RCC1L: variants seen among roughly 807,000 people sequenced by gnomAD.
RCC1L encodes the protein RCC1 like, also known as RCC1-like G exchanging factor-like protein.
Under a neutral mutation model 58.6 loss-of-function variants are expected in RCC1L, and 46 were observed. The ratio of observed to expected loss-of-function variants is 0.79; its 90% CI spans 0.62 to 1.00. The LOEUF (loss-of-function observed/expected upper bound fraction) is 1.00. Ranked by LOEUF, RCC1L falls within the 50% of genes least tolerant of loss-of-function variation. The pLI, the probability that RCC1L is intolerant of heterozygous loss-of-function variation, is 0.00. For missense variants in RCC1L, 636 were observed against 623.6 expected (o/e 1.02, Z -0.21); for synonymous variants, 281 against 262.9 (o/e 1.07, Z -0.67).
chr7:75,041,878 A>G (rs964957376), downstream of RCC1L, among the ~76,000 whole-genome samples: 443 of 151,750 alleles, frequency 2.9e-3, no homozygotes, highest in African/African-American at 9.5e-3. Context: ...AAAAAAAAAA[A>G]AAAAGAAAAG....
At chr7:75,039,886 T>C (rs1214374778), downstream of RCC1L, among the ~76,000 whole-genome samples, 3 of 152,112 alleles carry the variant, frequency 2.0e-5, no homozygotes, top group Non-Finnish European at 4.4e-5. Context: ...GCAACCGAGC[T>C]AATGGCATAG....
At chr7:75,051,967 ATGAACATATGTTTCATGT>A (rs1805927619) in intron 10 of RCC1L, among the ~76,000 whole-genome samples, 2 of 152,126 alleles carry the variant, frequency 1.3e-5, no homozygotes, top group African/African-American at 2.4e-5. Flanking sequence ...TTTTTGTACC[ATGAACATATGTTTCATGT>A]TCAAAAAACC....
At chr7:75,032,063 C>T (rs1805319627) in intron 10 of RCC1L, among the ~76,000 whole-genome samples, 1 of 152,202 alleles carries the variant, frequency 6.6e-6, no homozygotes, top group South Asian at 2.1e-4. Context: ...TTGCCTCTAC[C>T]ATGCTCTGGT....
intron 7 of RCC1L, 193 bp from the exon 8 acceptor site, chr7:75,057,809 C>A: frequency 1.5e-6 from 1 of 664,944 alleles, no homozygotes. Context: ...CAGTTTCCAC[C>A]CTCAGAGAGT....
intron 9 of RCC1L, 94 bp downstream of exon 9, chr7:75,055,807 G>C (rs956648221): frequency 6.8e-7 from 1 of 1,472,592 alleles, no homozygotes; most frequent in Non-Finnish European, 9.5e-7. Flanking sequence ...TGTTGGATGG[G>C]TGGAACCTGA....
intron 10 of RCC1L, among the ~76,000 whole-genome samples, chr7:75,051,353 CACATATATATACACACAT>C (rs1186374392): frequency 7.5e-4 from 110 of 146,976 alleles, no homozygotes; most frequent in African/African-American, 2.7e-3. Context: ...TATACACACA[CACATATATATACACACAT>C]ATATATATAC....
intron 10 of RCC1L, among the ~76,000 whole-genome samples, chr7:75,045,925 C>T (rs1805706478): frequency 6.6e-6 from 1 of 152,238 alleles, no homozygotes; most frequent in Non-Finnish European, 1.5e-5. Flanking sequence ...CCGAATTCGA[C>T]CACCCTCCCC....
chr7:75,032,324 C>T, intron 10 of RCC1L, among the ~76,000 whole-genome samples: 1 of 152,150 alleles, frequency 6.6e-6, no homozygotes, highest in Non-Finnish European at 1.5e-5. Context: ...AAACCTAGAG[C>T]CTTGCCATGG....
intron 10 of RCC1L, among the ~76,000 whole-genome samples, chr7:75,035,520 A>G (rs1805415718): frequency 6.6e-6 from 1 of 152,080 alleles, no homozygotes; most frequent in Non-Finnish European, 1.5e-5. Flanking sequence ...CAGCAACTCC[A>G]CTCCTAGGTA....
intron 10 of RCC1L, among the ~76,000 whole-genome samples, chr7:75,046,573 C>A (rs988234147): frequency 2.4e-4 from 37 of 152,336 alleles, no homozygotes; most frequent in Admixed American, 1.6e-3. Context: ...GTTCCAGCTC[C>A]CCCTGGCGGA....
Position 75,030,443 on chromosome 7 carries a change from C to T in RCC1L, c.1318-2364G>A, listed in dbSNP as rs963580748. ...AGAGGGTGGGGCGTCTCTGGTAGGA[C>T]GGCCTCACCCCACTTGTCAGAACTA... On this transcript the variant is annotated intron_variant, in intron 10 of 10. Coordinates refer to the RCC1L transcript ENST00000614461. Among the ~76,000 whole-genome samples, 79 of 152,238 alleles carry T rather than the reference C, an allele frequency of 5.2e-4. 1 individual carries two copies. The highest frequency in any genetic ancestry group is 2.2e-3 in the Admixed American group (34 of 15,298).
intron 9 of RCC1L, among the ~76,000 whole-genome samples, chr7:75,055,059 G>A (rs1419052201): frequency 6.6e-6 from 1 of 152,248 alleles, no homozygotes; most frequent in Non-Finnish European, 1.5e-5. Flanking sequence ...AATGAGGCCA[G>A]AGAACTCAAC....
intron 6 of RCC1L, among the ~76,000 whole-genome samples, chr7:75,060,314 C>CA (rs1260901763): frequency 6.6e-6 from 1 of 152,250 alleles, no homozygotes; most frequent in Non-Finnish European, 1.5e-5. Context: ...TGGATGAAGG[C>CA]AAGAGTCTAC....
chr7:75,063,266 A>G (rs1806334804), intron 5 of RCC1L, 26 bp downstream of exon 5: 1 of 1,613,660 alleles, frequency 6.2e-7, no homozygotes, highest in South Asian at 1.1e-5. Context: ...GAACACAACA[A>G]GCAGCTCTCG....
intron 10 of RCC1L, among the ~76,000 whole-genome samples, chr7:75,029,963 A>C (rs17148727): frequency 0.6 from 91,165 of 151,986 alleles, 27,879 homozygotes; most frequent in East Asian, 0.86. Context: ...AGCAAGACCA[A>C]CCTGGTCAAC....
chr7:75,054,800 G>C (rs1018981163), intron 9 of RCC1L, among the ~76,000 whole-genome samples: 1 of 152,096 alleles, frequency 6.6e-6, no homozygotes, highest in South Asian at 2.1e-4. Flanking sequence ...AAGAATTCAT[G>C]AGACCTACAC....
At chr7:75,053,483 C>T (rs1418063738) in intron 9 of RCC1L, among the ~76,000 whole-genome samples, 3 of 152,182 alleles carry the variant, frequency 2.0e-5, no homozygotes, top group Non-Finnish European at 4.4e-5. Flanking sequence ...CATTCAGCCA[C>T]AGGGCATCTA....
At position 75,066,917 on chromosome 7, in the gene RCC1L, T is replaced by G. The variant is rs1584504037; in HGVS notation, c.455-125A>C. On this transcript the variant is annotated intron_variant, in intron 2 of 10. Transcript: ENST00000610322. ...GGTAGGAAAGACTCATCAAGACAGGTAAGTTAGGCGCAGAGCAAGGACCAG... is the reference window on the plus strand; with the variant it reads ...GGTAGGAAAGACTCATCAAGACAGGGAAGTTAGGCGCAGAGCAAGGACCAG... The G allele has an allele frequency of 2.4e-5, 32 of 1,311,618 alleles. No homozygotes were observed. The East Asian group carries it at 9.3e-4, about 38-fold the overall frequency. The allele number at this position is 1,311,618 out of a possible 1,614,324, so 81.2% of individuals were successfully genotyped here.
intron 10 of RCC1L, among the ~76,000 whole-genome samples, chr7:75,030,612 G>A (rs1190104569): frequency 3.3e-5 from 5 of 152,182 alleles, no homozygotes; most frequent in Non-Finnish European, 5.9e-5. Context: ...GGAGGCCTCA[G>A]TCCTTCCCCA....
Sources: allele counts gnomAD v4.1 joint callset (sites outside exome capture counted in the v4.1 genomes callset), GRCh38; gene constraint gnomAD v4.1.1; transcripts MANE v1.5; gene names NCBI Gene and HGNC (gene_info 2026-07-23, HGNC 2026-07-21).